Variants in SGMS1 observed in about 807,000 individuals in gnomAD.
SGMS1 encodes the protein phosphatidylcholine:ceramide cholinephosphotransferase 1.
Under a neutral mutation model 46.2 loss-of-function variants are expected in SGMS1, and 13 were observed. The ratio of observed to expected loss-of-function variants is 0.28; its 90% confidence interval spans 0.18 to 0.45. The LOEUF (loss-of-function observed/expected upper bound fraction) is 0.45, where lower values mean the gene tolerates loss of function less well. SGMS1 is among the 20% of genes least tolerant of loss of function. The pLI is 1.00. For missense variants in SGMS1, 324 were observed against 519.9 expected (o/e 0.62, Z 3.66); for synonymous variants, 203 against 187.8 (o/e 1.08, Z -0.66).
At chr10:50,399,921 C>T (rs549080339) in intron 6 of SGMS1, among the ~76,000 whole-genome samples, 20 of 151,238 alleles carry the variant, frequency 1.3e-4, no homozygotes, top group East Asian at 3.9e-4. Context: ...CCCAGCCACT[C>T]GGGAGGCTGA....
intron 7 of SGMS1, 22 bp from the exon 8 acceptor site, chr10:50,327,344 G>T (rs957354800): frequency 4.4e-6 from 6 of 1,356,354 alleles, no homozygotes; most frequent in African/African-American, 1.4e-5. Flanking sequence ...GAAAAACAGG[G>T]CAGATTCTCA....
intron 2 of SGMS1, among the ~76,000 whole-genome samples, chr10:50,520,228 A>G (rs868223493): frequency 6.6e-6 from 1 of 152,096 alleles, no homozygotes; most frequent in African/African-American, 2.4e-5. Context: ...TTTCTCTACA[A>G]ATAATTTTTA....
intron 6 of SGMS1, among the ~76,000 whole-genome samples, chr10:50,354,195 A>G (rs564569565): frequency 1.3e-5 from 2 of 151,020 alleles, no homozygotes; most frequent in African/African-American, 2.4e-5. Flanking sequence ...AAACTATACT[A>G]CAAGGCTACA....
chr10:50,607,347 G>C (rs1466686978), intron 1 of SGMS1, among the ~76,000 whole-genome samples: 1 of 152,092 alleles, frequency 6.6e-6, no homozygotes, highest in African/African-American at 2.4e-5. Context: ...TAAAGAGCAT[G>C]CTTACTAACA....
intron 2 of SGMS1, among the ~76,000 whole-genome samples, chr10:50,527,086 A>AAG (rs1554790001): frequency 9.0e-5 from 13 of 144,732 alleles, no homozygotes; most frequent in African/African-American, 2.7e-4. Flanking sequence ...AAAAAAAAAA[A>AAG]AAAGAAAGAA....
intron 2 of SGMS1, among the ~76,000 whole-genome samples, chr10:50,579,632 C>G (rs1838415172): frequency 6.6e-6 from 1 of 152,184 alleles, no homozygotes; most frequent in South Asian, 2.1e-4. Context: ...ATCTAGAATT[C>G]TATCCCCAGC....
intron 5 of SGMS1, among the ~76,000 whole-genome samples, chr10:50,438,434 G>C (rs1270593903): frequency 6.6e-6 from 1 of 152,198 alleles, no homozygotes; most frequent in Non-Finnish European, 1.5e-5. Flanking sequence ...TCTAGTTAGA[G>C]AGCCCATGAG....
At chr10:50,416,659 C>A (rs1425905773) in intron 6 of SGMS1, among the ~76,000 whole-genome samples, 2 of 152,116 alleles carry the variant, frequency 1.3e-5, no homozygotes, top group Non-Finnish European at 2.9e-5. Context: ...TACACTGTTA[C>A]CTTTTACACA....
intron 2 of SGMS1, among the ~76,000 whole-genome samples, chr10:50,563,776 T>C (rs16906058): frequency 0.011 from 1,631 of 151,870 alleles, 40 homozygotes; most frequent in African/African-American, 0.038. Context: ...AGAAACTCTT[T>C]TGATGGAACC....
intron 5 of SGMS1, among the ~76,000 whole-genome samples, chr10:50,442,331 C>T (rs1406167047): frequency 2.6e-5 from 4 of 152,024 alleles, no homozygotes. Flanking sequence ...CTGATGCTCT[C>T]CCTCCCCCAC....
rs541800052 is a variant in SGMS1, at chr10:50,370,726, C to T, written c.-231-26381G>A. Among the ~76,000 whole-genome samples the T allele has an allele frequency of 2.8e-5, 4 of 144,132 alleles. No individual in the cohort carries two copies. The South Asian group carries it at 7.0e-4, about 25-fold the overall frequency. The allele number at this position is 144,132 out of a possible 152,430, so 94.6% of individuals were successfully genotyped here. ...ACTGTACTCCAGTCTGGCGACAGAG[C>T]GAGACTCCATCTCAATAAAAAAAAA... On this transcript the variant is annotated intron_variant, in intron 6 of 10. Coordinates refer to ENST00000361781, the MANE Select transcript of SGMS1 (RefSeq NM_147156.4).
intron 1 of SGMS1, among the ~76,000 whole-genome samples, chr10:50,620,149 T>TTA (rs1487748057): frequency 1.3e-5 from 2 of 152,240 alleles, no homozygotes; most frequent in Non-Finnish European, 2.9e-5. Flanking sequence ...ACCCTTCTCT[T>TTA]TCCCTTTCTT....
At chr10:50,526,621 T>C (rs554946556) in intron 2 of SGMS1, among the ~76,000 whole-genome samples, 22 of 152,336 alleles carry the variant, frequency 1.4e-4, no homozygotes, top group African/African-American at 4.8e-4. Context: ...GTGCCTATCA[T>C]GTAGCAAGCA....
chr10:50,393,348 A>G (rs1848803194), intron 6 of SGMS1, among the ~76,000 whole-genome samples: 1 of 152,214 alleles, frequency 6.6e-6, no homozygotes, highest in Admixed American at 6.6e-5. Flanking sequence ...CAACAGGAGA[A>G]GAGAAAGGAA....
intron 6 of SGMS1, among the ~76,000 whole-genome samples, chr10:50,402,244 T>C (rs887794866): frequency 6.6e-6 from 1 of 152,234 alleles, no homozygotes; most frequent in Non-Finnish European, 1.5e-5. Context: ...TGAGGTTCAA[T>C]TATTTTTGCA....
chr10:50,318,601 G>C (rs1847387143), intron 8 of SGMS1, among the ~76,000 whole-genome samples: 1 of 151,976 alleles, frequency 6.6e-6, no homozygotes, highest in Non-Finnish European at 1.5e-5. Context: ...GCCATCTCTT[G>C]ATCACTCAAG....
At chr10:50,622,782 CACCAGA>C (rs1838866049) in intron 1 of SGMS1, among the ~76,000 whole-genome samples, 1 of 152,240 alleles carries the variant, frequency 6.6e-6, no homozygotes, top group Non-Finnish European at 1.5e-5. Flanking sequence ...AAGCAGCATT[CACCAGA>C]ACGCTCCAGG....
At chr10:50,530,434 T>G (rs1173425015) in intron 2 of SGMS1, among the ~76,000 whole-genome samples, 1 of 152,212 alleles carries the variant, frequency 6.6e-6, no homozygotes, top group East Asian at 1.9e-4. Context: ...CACATAATTC[T>G]AATCAAGGGA....
intron 9 of SGMS1, 125 bp from the exon 10 acceptor site, chr10:50,308,273 T>G: frequency 1.2e-6 from 1 of 812,252 alleles, no homozygotes. Flanking sequence ...ACAGATCTAG[T>G]GAATCTAAGG....
Sources: gnomAD v4.1 joint callset for allele counts (sites outside exome capture counted in the v4.1 genomes callset) on GRCh38, gnomAD v4.1.1 for gene constraint, MANE v1.5 for transcripts, NCBI Gene and HGNC (gene_info 2026-07-23, HGNC 2026-07-21) for gene names.